LRP1B: variants seen among roughly 807,000 people sequenced by gnomAD.
LRP1B encodes the protein low-density lipoprotein receptor-related protein 1B.
LRP1B carries 217 observed loss-of-function variants against 556.6 expected under a neutral mutation model. The ratio of observed to expected loss-of-function variants is 0.39; its 90% CI spans 0.35 to 0.44. The LOEUF (loss-of-function observed/expected upper bound fraction) is 0.44. Among genes scored for constraint, LRP1B ranks in the 20% least tolerant of loss-of-function variants. LRP1B has a pLI of 1.00. For synonymous variants in LRP1B, 2,047 were observed against 1,865.8 expected, an observed-to-expected ratio of 1.10 and a Z score of -2.50; for missense variants, 5,053 against 5,620.8, an observed-to-expected ratio of 0.90 and a Z score of 3.23.
chr2:141,940,629 G>A (rs1427738141), intron 1 of LRP1B, among the ~76,000 whole-genome samples: 3 of 152,138 alleles, frequency 2.0e-5, no homozygotes, highest in South Asian at 4.1e-4. Context: ...TCCTTAGGAG[G>A]AGAATTTGAA....
intron 2 of LRP1B, among the ~76,000 whole-genome samples, chr2:141,690,396 A>AATAAATAAATATATATATAT (rs5834858): frequency 1.1e-4 from 3 of 26,926 alleles, no homozygotes; most frequent in South Asian, 1.5e-3. Context: ...TACATCTATA[A>AATAAATAAATATATATATAT]ATATATATAT....
intron 32 of LRP1B, among the ~76,000 whole-genome samples, chr2:140,780,530 T>C (rs1317230957): frequency 2.0e-5 from 3 of 152,130 alleles, no homozygotes; most frequent in Non-Finnish European, 4.4e-5. Context: ...GGACCACCCC[T>C]AACTGATTGT....
At chr2:141,426,687 G>C (rs1680375411) in intron 3 of LRP1B, among the ~76,000 whole-genome samples, 1 of 152,102 alleles carries the variant, frequency 6.6e-6, no homozygotes, top group South Asian at 2.1e-4. Flanking sequence ...TCATTTCAAA[G>C]GTGAAGTACT....
At chr2:141,635,126 C>CA (rs760463798) in intron 2 of LRP1B, among the ~76,000 whole-genome samples, 2 of 147,690 alleles carry the variant, frequency 1.4e-5, no homozygotes, top group Non-Finnish European at 3.0e-5. Context: ...CTCAACCCTG[C>CA]AAAAAAGAAA....
intron 1 of LRP1B, among the ~76,000 whole-genome samples, chr2:142,060,928 A>G (rs1322938466): frequency 2.0e-5 from 3 of 152,036 alleles, no homozygotes; most frequent in African/African-American, 7.2e-5. Context: ...TGACAATTAG[A>G]GTTCATAGAT....
chr2:141,123,268 A>AAG (rs1553463211), intron 7 of LRP1B, among the ~76,000 whole-genome samples: 3 of 147,220 alleles, frequency 2.0e-5, no homozygotes, highest in South Asian at 2.1e-4. Flanking sequence ...ATAAATAAAA[A>AAG]AAAGAAAGTA....
intron 11 of LRP1B, among the ~76,000 whole-genome samples, chr2:141,043,222 AAATTAAAATAAATAAACAAAT>A (rs1230243321): frequency 3.9e-3 from 9 of 2,328 alleles, no homozygotes; most frequent in Non-Finnish European, 6.0e-3. Context: ...AAAATAAAAT[AAATTAAAATAAATAAACAAAT>A]AAATAAATAA....
chr2:141,207,373 CA>C (rs1182738119), intron 6 of LRP1B, among the ~76,000 whole-genome samples: 2 of 152,232 alleles, frequency 1.3e-5, no homozygotes, highest in East Asian at 3.9e-4. Flanking sequence ...CATATATTTT[CA>C]AACAATATAA....
chr2:141,101,229 A>G (rs762860206), intron 7 of LRP1B, among the ~76,000 whole-genome samples: 21 of 151,944 alleles, frequency 1.4e-4, no homozygotes, highest in Non-Finnish European at 7.4e-5. Flanking sequence ...ACCAGGGAAG[A>G]CTCCATGCCA....
rs533097120 is a variant in LRP1B, at chr2:140,712,265, G to A, written c.6023+3708C>T. On this transcript the variant is annotated intron_variant, in intron 37 of 90. Coordinates refer to ENST00000389484, the MANE Select transcript of LRP1B (RefSeq NM_018557.3). ...TGTAAGGTAAAGTTTAGACTCTAGAGTCCCTCCAGGAATCAGTCTGAGGCC... is the reference window on the plus strand; with the variant it reads ...TGTAAGGTAAAGTTTAGACTCTAGAATCCCTCCAGGAATCAGTCTGAGGCC... 1.6e-4 allele frequency among the ~76,000 whole-genome samples: 24 copies of A among 152,198 alleles called. 2 individuals carry two copies. Among genetic ancestry groups the A allele is most frequent in the African/African-American group, 5.5e-4 (23 of 41,550 alleles).
At chr2:141,693,729 T>G (rs1252820181) in intron 2 of LRP1B, among the ~76,000 whole-genome samples, 1 of 152,064 alleles carries the variant, frequency 6.6e-6, no homozygotes, top group Non-Finnish European at 1.5e-5. Context: ...GTTTTTTACT[T>G]AAATAACTCA....
At chr2:141,219,454 G>A (rs923322523) in intron 6 of LRP1B, among the ~76,000 whole-genome samples, 1 of 152,202 alleles carries the variant, frequency 6.6e-6, no homozygotes, top group African/African-American at 2.4e-5. Flanking sequence ...GATATTCCTG[G>A]GAAGGAGACC....
At chr2:141,713,411 C>T (rs1692443335) in intron 2 of LRP1B, among the ~76,000 whole-genome samples, 1 of 152,096 alleles carries the variant, frequency 6.6e-6, no homozygotes. Context: ...TGCATTTTAT[C>T]CAAATGAACA....
At chr2:141,393,227 A>G (rs1559046165) in intron 3 of LRP1B, among the ~76,000 whole-genome samples, 2 of 151,286 alleles carry the variant, frequency 1.3e-5, no homozygotes, top group Non-Finnish European at 3.0e-5. Flanking sequence ...ATAAACATAC[A>G]CACACACACA....
chr2:141,731,684 C>A (rs1445558975), intron 2 of LRP1B, among the ~76,000 whole-genome samples: 2 of 152,060 alleles, frequency 1.3e-5, no homozygotes, highest in Non-Finnish European at 2.9e-5. Context: ...CTATCCAGTT[C>A]AAAGCCAGAC....
intron 2 of LRP1B, among the ~76,000 whole-genome samples, chr2:141,512,762 T>C (rs1559113824): frequency 6.9e-6 from 1 of 144,554 alleles, no homozygotes; most frequent in Non-Finnish European, 1.6e-5. Flanking sequence ...ACATAGTACA[T>C]CTTCAGTTAA....
chr2:140,822,870 G>A (rs934860888), intron 31 of LRP1B, among the ~76,000 whole-genome samples: 7 of 152,278 alleles, frequency 4.6e-5, no homozygotes, highest in Admixed American at 2.0e-4. Context: ...TTTCATCATA[G>A]ACTACCTTCT....
At chr2:140,872,461 GTCTT>G (rs1693170094) in intron 25 of LRP1B, among the ~76,000 whole-genome samples, 1 of 138,302 alleles carries the variant, frequency 7.2e-6, no homozygotes, top group African/African-American at 2.7e-5. Context: ...ACTTAGAAAT[GTCTT>G]TATTTATTTA....
intron 25 of LRP1B, among the ~76,000 whole-genome samples, chr2:140,870,960 T>C (rs1350335997): frequency 2.0e-5 from 3 of 152,086 alleles, no homozygotes; most frequent in Non-Finnish European, 4.4e-5. Context: ...TATGAAATGA[T>C]TAGAGGACAG....
Sources: gnomAD v4.1 joint callset for allele counts (sites outside exome capture counted in the v4.1 genomes callset) on GRCh38, gnomAD v4.1.1 for gene constraint, MANE v1.5 for transcripts, NCBI Gene and HGNC (gene_info 2026-07-23, HGNC 2026-07-21) for gene names.